Variants in FOXN3 observed in about 807,000 individuals in gnomAD.
FOXN3 encodes the protein forkhead box protein N3.
Under a neutral mutation model 38.4 loss-of-function variants are expected in FOXN3, and 7 were observed. That is an observed-to-expected ratio of 0.18 (90% CI 0.10 to 0.34). The LOEUF is 0.34. Among genes scored for constraint, FOXN3 ranks in the 10% least tolerant of loss-of-function variants. The pLI is 1.00. For synonymous variants in FOXN3, 230 were observed against 242.2 expected (o/e 0.95, Z 0.47); for missense variants, 456 against 613.4 (o/e 0.74, Z 2.71).
At chr14:89,173,942 G>A (rs985919713) in intron 5 of FOXN3, among the ~76,000 whole-genome samples, 7 of 152,172 alleles carry the variant, frequency 4.6e-5, no homozygotes, top group Non-Finnish European at 7.3e-5. Flanking sequence ...GCAGTGAGCC[G>A]TGATTGTGCC....
chr14:89,471,583 C>CA (rs1294514751), intron 1 of FOXN3, among the ~76,000 whole-genome samples: 3 of 151,360 alleles, frequency 2.0e-5, no homozygotes, highest in African/African-American at 7.3e-5. Context: ...GACCTTGTCT[C>CA]AAAAAAAAGA....
intron 2 of FOXN3, among the ~76,000 whole-genome samples, chr14:89,381,650 G>T (rs930278082): frequency 1.3e-5 from 2 of 151,272 alleles, no homozygotes; most frequent in Non-Finnish European, 2.9e-5. Flanking sequence ...CCTGAGCCCA[G>T]CAGTTTGAGA....
chr14:89,226,763 A>G (rs138707051), intron 4 of FOXN3, among the ~76,000 whole-genome samples: 13 of 152,312 alleles, frequency 8.5e-5, no homozygotes, highest in African/African-American at 2.9e-4. Context: ...CCCTAATCTA[A>G]TATAAGCAGT....
At chr14:89,506,056 G>A (rs1357918790) in intron 1 of FOXN3, among the ~76,000 whole-genome samples, 21 of 143,084 alleles carry the variant, frequency 1.5e-4, no homozygotes, top group Admixed American at 7.6e-4. Context: ...CAGCCGCCCC[G>A]TCCAGAAGGG....
chr14:89,517,739 G>T (rs1004519199), intron 1 of FOXN3, among the ~76,000 whole-genome samples: 2 of 152,160 alleles, frequency 1.3e-5, no homozygotes, highest in East Asian at 3.9e-4. Flanking sequence ...TTTTGAGGAG[G>T]ACTAGAAGAG....
intron 2 of FOXN3, among the ~76,000 whole-genome samples, chr14:89,403,451 C>T (rs757947911): frequency 3.3e-5 from 5 of 152,156 alleles, no homozygotes; most frequent in East Asian, 1.9e-4. Flanking sequence ...CGCCCCACCT[C>T]GGCTTCCCAA....
chr14:89,247,028 A>G (rs1008979756), intron 4 of FOXN3, among the ~76,000 whole-genome samples: 1 of 152,058 alleles, frequency 6.6e-6, no homozygotes, highest in Non-Finnish European at 1.5e-5. Context: ...TTCTTCCATC[A>G]AACATTCATC....
At chr14:89,194,560 C>G (rs1299306780) in intron 4 of FOXN3, among the ~76,000 whole-genome samples, 2 of 152,058 alleles carry the variant, frequency 1.3e-5, no homozygotes, top group Non-Finnish European at 2.9e-5. Context: ...TTGTCACACC[C>G]TGACACCCTG....
At chr14:89,440,141 G>A (rs370398677) in intron 1 of FOXN3, among the ~76,000 whole-genome samples, 2 of 152,050 alleles carry the variant, frequency 1.3e-5, no homozygotes, top group African/African-American at 4.8e-5. Flanking sequence ...ACCTGCCATG[G>A]TTATCCAGCT....
At chr14:89,466,751 G>C (rs1892980843) in intron 1 of FOXN3, among the ~76,000 whole-genome samples, 1 of 152,168 alleles carries the variant, frequency 6.6e-6, no homozygotes, top group Admixed American at 6.5e-5. Flanking sequence ...GGGGCAGCTG[G>C]CCAAGGACCT....
chr14:89,242,205 C>T (rs1474880373), intron 4 of FOXN3, among the ~76,000 whole-genome samples: 2 of 152,150 alleles, frequency 1.3e-5, no homozygotes, highest in Non-Finnish European at 2.9e-5. Flanking sequence ...TGCCCGCGTT[C>T]CTGGCAGCCT....
chr14:89,469,727 G>A (rs1893051310), intron 1 of FOXN3, among the ~76,000 whole-genome samples: 1 of 152,248 alleles, frequency 6.6e-6, no homozygotes, highest in South Asian at 2.1e-4. Flanking sequence ...AGGTCTAGGT[G>A]ATGGGCTCTG....
intron 1 of FOXN3, among the ~76,000 whole-genome samples, chr14:89,456,143 G>A (rs557486134): frequency 1.5e-4 from 21 of 141,758 alleles, no homozygotes; most frequent in African/African-American, 3.9e-4. Flanking sequence ...GCCGTGAGCC[G>A]AGATCACGCC....
intron 1 of FOXN3, among the ~76,000 whole-genome samples, chr14:89,415,622 A>G: frequency 6.7e-6 from 1 of 149,370 alleles, no homozygotes; most frequent in South Asian, 2.1e-4. Context: ...AAAAAAAAAA[A>G]AAAAAAAAAC....
chr14:89,530,776 A>T (rs186688060), intron 1 of FOXN3, among the ~76,000 whole-genome samples: 1 of 149,902 alleles, frequency 6.7e-6, no homozygotes, highest in African/African-American at 2.4e-5. Context: ...CGCCCGGCTA[A>T]TTTTTGTATT....
At chr14:89,176,398 AAGG>A (rs1399660678) in intron 5 of FOXN3, among the ~76,000 whole-genome samples, 2 of 152,320 alleles carry the variant, frequency 1.3e-5, no homozygotes, top group African/African-American at 2.4e-5. Flanking sequence ...ATTTTCACTT[AAGG>A]AGAAGTCGCT....
intron 2 of FOXN3, among the ~76,000 whole-genome samples, chr14:89,363,674 T>A (rs1198670897): frequency 6.6e-6 from 1 of 152,104 alleles, no homozygotes. Context: ...TCCACTTAAT[T>A]CTCCTCTCTG....
At chr14:89,183,647 C>T (rs1438468429) in intron 4 of FOXN3, among the ~76,000 whole-genome samples, 1 of 151,632 alleles carries the variant, frequency 6.6e-6, no homozygotes, top group Non-Finnish European at 1.5e-5. Context: ...AAAAATGGCA[C>T]ATACAAAGAC....
chr14:89,519,791 G>A (rs1481034432), intron 1 of FOXN3, among the ~76,000 whole-genome samples: 1 of 152,152 alleles, frequency 6.6e-6, no homozygotes, highest in Non-Finnish European at 1.5e-5. Context: ...GTAAAAGTTA[G>A]GAAAGGAGTG....
Sources: allele counts gnomAD v4.1 joint callset (sites outside exome capture counted in the v4.1 genomes callset), GRCh38; gene constraint gnomAD v4.1.1; transcripts MANE v1.5; gene names NCBI Gene and HGNC (gene_info 2026-07-23, HGNC 2026-07-21).